The following ROBO2 variants were observed in gnomAD, a reference collection of about 807,000 sequenced individuals.
The protein encoded by ROBO2 is roundabout homolog 2.
ROBO2 carries 53 observed loss-of-function variants against 160.8 expected under a neutral mutation model. The ratio of observed to expected loss-of-function variants is 0.33; its 90% CI spans 0.26 to 0.41. The LOEUF (loss-of-function observed/expected upper bound fraction) is 0.41, where lower values mean the gene tolerates loss of function less well. Among genes scored for constraint, ROBO2 ranks in the 10% least tolerant of loss-of-function variants. ROBO2 has a pLI of 1.00. For missense variants in ROBO2, 1,577 were observed against 1,722.4 expected (o/e 0.92, Z 1.49); for synonymous variants, 664 against 611.7 (o/e 1.09, Z -1.26).
At chr3:76,101,533 G>C (rs1175970146) in intron 2 of ROBO2, among the ~76,000 whole-genome samples, 1 of 152,116 alleles carries the variant, frequency 6.6e-6, no homozygotes, top group Admixed American at 6.5e-5. Flanking sequence ...GGACAGGTGA[G>C]ATTATGTAGT....
At chr3:77,262,079 C>T (rs2058813795) in intron 2 of ROBO2, among the ~76,000 whole-genome samples, 1 of 152,162 alleles carries the variant, frequency 6.6e-6, no homozygotes, top group African/African-American at 2.4e-5. Flanking sequence ...CAAATTTGTA[C>T]ATTCTATTTC....
chr3:76,026,023 T>C (rs2066733347), intron 2 of ROBO2, among the ~76,000 whole-genome samples: 1 of 151,964 alleles, frequency 6.6e-6, no homozygotes, highest in Non-Finnish European at 1.5e-5. Context: ...GCAAAACTGT[T>C]GCATATACTT....
intron 2 of ROBO2, among the ~76,000 whole-genome samples, chr3:77,198,829 G>A (rs1463411718): frequency 6.6e-6 from 1 of 152,034 alleles, no homozygotes; most frequent in Admixed American, 6.5e-5. Flanking sequence ...CTTGAACCCG[G>A]GAGGTGGAGG....
intron 2 of ROBO2, among the ~76,000 whole-genome samples, chr3:77,389,047 C>A (rs1406976499): frequency 6.6e-6 from 1 of 152,258 alleles, no homozygotes; most frequent in African/African-American, 2.4e-5. Flanking sequence ...TGGGTTCAAG[C>A]GATTCTCCTG....
intron 2 of ROBO2, among the ~76,000 whole-genome samples, chr3:77,452,018 T>C (rs1039107866): frequency 6.6e-6 from 1 of 152,010 alleles, no homozygotes; most frequent in African/African-American, 2.4e-5. Context: ...GAACATGCGG[T>C]GTTTGGTTTT....
intron 2 of ROBO2, among the ~76,000 whole-genome samples, chr3:76,441,816 T>C (rs1427197336): frequency 6.6e-6 from 1 of 152,228 alleles, no homozygotes; most frequent in Non-Finnish European, 1.5e-5. Flanking sequence ...CTGAATTGTC[T>C]AATATCCAGT....
At chr3:76,600,856 A>G (rs931389668) in intron 2 of ROBO2, among the ~76,000 whole-genome samples, 3 of 152,162 alleles carry the variant, frequency 2.0e-5, no homozygotes, top group African/African-American at 7.2e-5. Flanking sequence ...TTAACTCAAA[A>G]GTCCACAGTC....
chr3:77,289,885 G>A (rs1286078999), intron 2 of ROBO2, among the ~76,000 whole-genome samples: 3 of 151,856 alleles, frequency 2.0e-5, no homozygotes, highest in Non-Finnish European at 2.9e-5. Flanking sequence ...TGGTAAAACG[G>A]GAAGTTGAGC....
At chr3:77,615,777 G>T (rs766118643) in intron 21 of ROBO2, among the ~76,000 whole-genome samples, 2 of 152,096 alleles carry the variant, frequency 1.3e-5, no homozygotes, top group Non-Finnish European at 2.9e-5. Flanking sequence ...TGGCAAGTAT[G>T]AATAACACCA....
intron 5 of ROBO2, among the ~76,000 whole-genome samples, chr3:77,505,857 T>G (rs181140994): frequency 2.6e-5 from 4 of 152,294 alleles, no homozygotes; most frequent in Admixed American, 2.0e-4. Context: ...CCCACTTTCT[T>G]GACTACTATA....
intron 2 of ROBO2, among the ~76,000 whole-genome samples, chr3:77,141,307 A>G (rs1179667740): frequency 1.4e-5 from 2 of 147,242 alleles, no homozygotes; most frequent in Non-Finnish European, 3.0e-5. Flanking sequence ...TAATAGGCTT[A>G]TAACAGATGT....
At chr3:77,527,949 A>T (rs1341136429) in intron 6 of ROBO2, among the ~76,000 whole-genome samples, 2 of 151,544 alleles carry the variant, frequency 1.3e-5, no homozygotes, top group African/African-American at 4.8e-5. Context: ...TGCTTACCCT[A>T]AGTGGGGGAG....
chr3:76,355,404 A>G (rs766622850), intron 2 of ROBO2, among the ~76,000 whole-genome samples: 31 of 151,692 alleles, frequency 2.0e-4, no homozygotes, highest in Non-Finnish European at 3.8e-4. Context: ...AAAAGGTAAC[A>G]ATAATCTTCA....
intron 2 of ROBO2, among the ~76,000 whole-genome samples, chr3:77,456,685 C>T (rs907044407): frequency 1.5e-4 from 23 of 152,194 alleles, no homozygotes; most frequent in African/African-American, 5.5e-4. Flanking sequence ...ACATTTTAAA[C>T]TTAACTGAAA....
At chr3:76,280,150 G>A (rs184053589) in intron 2 of ROBO2, among the ~76,000 whole-genome samples, 7 of 152,062 alleles carry the variant, frequency 4.6e-5, no homozygotes, top group Admixed American at 3.9e-4. Flanking sequence ...GGCAATTTCT[G>A]TTAAAGCGAA....
chr3:77,622,939 T>C (rs1349460619), intron 23 of ROBO2, among the ~76,000 whole-genome samples: 1 of 152,186 alleles, frequency 6.6e-6, no homozygotes. Context: ...ACCATATGTT[T>C]ATGCATTTCA....
intron 22 of ROBO2, among the ~76,000 whole-genome samples, chr3:77,618,866 A>T (rs1192078762): frequency 6.6e-6 from 1 of 152,182 alleles, no homozygotes; most frequent in East Asian, 1.9e-4. Flanking sequence ...ATTTTTCATC[A>T]ATCTGCTTTT....
rs745324868 is a variant in ROBO2 at position 77,441,469 on chromosome 3, C to T, written c.389-35945C>T. Among the ~76,000 whole-genome samples, 150 of 151,122 alleles carry T rather than the reference C, an allele frequency of 9.9e-4. 3 individuals carry two copies. Among genetic ancestry groups the T allele is most frequent in the Non-Finnish European group, 3.1e-4 (21 of 67,796 alleles). On this transcript the variant is annotated intron_variant, in intron 2 of 25. Coordinates refer to ENST00000461745, the Ensembl canonical transcript of ROBO2. Reference sequence around the variant, plus strand: ...TGATAACAGTGTCATGTAAAAAAACCCAACGCTTTAACTTTGTTATAAAAC... The same window carrying T: ...TGATAACAGTGTCATGTAAAAAAACTCAACGCTTTAACTTTGTTATAAAAC...
intron 2 of ROBO2, among the ~76,000 whole-genome samples, chr3:77,328,437 G>C (rs1176928270): frequency 2.0e-5 from 3 of 152,196 alleles, no homozygotes; most frequent in Non-Finnish European, 4.4e-5. Context: ...TTCCTAGCAA[G>C]CCAGAATTAA....
Sources: allele counts gnomAD v4.1 joint callset (sites outside exome capture counted in the v4.1 genomes callset), GRCh38; gene constraint gnomAD v4.1.1; transcripts MANE v1.5; gene names NCBI Gene and HGNC (gene_info 2026-07-23, HGNC 2026-07-21).